The following DLGAP2 variants were observed in gnomAD, a reference collection of about 807,000 sequenced individuals.
DLGAP2 encodes the protein disks large-associated protein 2.
DLGAP2 carries 26 observed loss-of-function variants against 100.3 expected under a neutral mutation model. That is an observed-to-expected ratio of 0.26 (90% CI 0.19 to 0.36). DLGAP2 has a LOEUF of 0.36. DLGAP2 is among the 10% of genes least tolerant of loss of function. The probability of loss-of-function intolerance (pLI) is 1.00; values close to 1 mark genes in which losing one functional copy is unlikely to be tolerated. For synonymous variants in DLGAP2, 886 were observed against 630.1 expected (o/e 1.41, Z -6.08); for missense variants, 1,858 against 1,453.2 (o/e 1.28, Z -4.53).
intron 3 of DLGAP2, among the ~76,000 whole-genome samples, chr8:1,265,938 G>A (rs1021912655): frequency 4.6e-5 from 7 of 152,298 alleles, no homozygotes; most frequent in Admixed American, 3.3e-4. Context: ...TAAAATCATT[G>A]TTTAATGATA....
At chr8:808,901 C>T (rs1397608032) in intron 1 of DLGAP2, among the ~76,000 whole-genome samples, 1 of 136,538 alleles carries the variant, frequency 7.3e-6, no homozygotes, top group Non-Finnish European at 1.5e-5. Flanking sequence ...ATTGCTGTTG[C>T]TGCCTTTTTT....
At chr8:890,544 A>G (rs1798014095) in intron 1 of DLGAP2, among the ~76,000 whole-genome samples, 2 of 150,188 alleles carry the variant, frequency 1.3e-5, no homozygotes, top group Admixed American at 6.6e-5. Flanking sequence ...CTGGGTCTCG[A>G]TGGCGCCTCC....
chr8:1,365,183 G>A (rs1802081232), intron 3 of DLGAP2, among the ~76,000 whole-genome samples: 1 of 152,188 alleles, frequency 6.6e-6, no homozygotes, highest in Non-Finnish European at 1.5e-5. Context: ...GGTGTGTTAG[G>A]ACCTGGGTGG....
intron 2 of DLGAP2, chr8:1,003,116 C>T (rs1801008814): frequency 6.6e-6 from 1 of 152,302 alleles, no homozygotes; most frequent in Non-Finnish European, 1.5e-5. Context: ...CCCCTGAGCA[C>T]TCATGTGGAC....
rs192994793 is a variant in DLGAP2, at chr8:1,187,605, G to A, written c.74-71246G>A. ...GGGACCTCCGTGACGTTTCCCTCAC[G>A]GAATCTCACACACCCAGGACCTCCG... is the stretch of plus-strand genomic sequence containing the variant. On this transcript the variant is annotated intron_variant, in intron 2 of 14. Coordinates refer to ENST00000637795, the MANE Select transcript of DLGAP2 (RefSeq NM_001346810.2). 8.5e-3 allele frequency among the ~76,000 whole-genome samples: 1,143 copies of A among 134,696 alleles called. 6 individuals carry two copies. Among genetic ancestry groups the A allele is most frequent in the Non-Finnish European group, 0.012 (758 of 64,562 alleles). The allele number at this position is 134,696 out of a possible 152,430, so 88.4% of individuals were successfully genotyped here.
At position 746,535 on chromosome 8, in the gene DLGAP2, G is replaced by C. The variant is rs372624740; in HGVS notation, c.18+8710G>C. The stretch of plus-strand genomic sequence containing the variant: ...TGGGAGAGAAGATCTGTGGGATAGA[G>C]GGCCGTCCACTGTGGTCATGGCAGT... On this transcript the variant is annotated intron_variant, in intron 1 of 14. Transcript: ENST00000637795. 4.9e-4 allele frequency among the ~76,000 whole-genome samples: 74 copies of C among 152,382 alleles called. 1 individual carries two copies. In the South Asian group the frequency reaches 9.1e-3, roughly 19 times the overall value.
At chr8:806,525 A>G (rs1036729474) in intron 1 of DLGAP2, among the ~76,000 whole-genome samples, 5 of 152,176 alleles carry the variant, frequency 3.3e-5, no homozygotes, top group Admixed American at 3.3e-4. Flanking sequence ...GTAGCACAAG[A>G]GGGACAGGTG....
At chr8:755,135 G>A (rs1820889743) in intron 1 of DLGAP2, among the ~76,000 whole-genome samples, 3 of 152,124 alleles carry the variant, frequency 2.0e-5, no homozygotes. Context: ...GTGTGCTTTT[G>A]TAAATACAGA....
At chr8:1,315,413 C>T (rs1478836641) in intron 3 of DLGAP2, among the ~76,000 whole-genome samples, 3 of 141,512 alleles carry the variant, frequency 2.1e-5, no homozygotes, top group South Asian at 4.7e-4. Context: ...AACTCGGCAG[C>T]TTTTAAAAAT....
At chr8:1,141,243 G>T (rs1796517177) in intron 2 of DLGAP2, among the ~76,000 whole-genome samples, 1 of 152,078 alleles carries the variant, frequency 6.6e-6, no homozygotes, top group Non-Finnish European at 1.5e-5. Flanking sequence ...ATTAGAGAAA[G>T]GTGTTCGTTT....
At chr8:1,250,963 A>G (rs1300417188) in intron 2 of DLGAP2, among the ~76,000 whole-genome samples, 1 of 152,220 alleles carries the variant, frequency 6.6e-6, no homozygotes, top group African/African-American at 2.4e-5. Flanking sequence ...TGACCTCGGT[A>G]CGTGGCACAG....
At chr8:819,954 A>C (rs571041827) in intron 1 of DLGAP2, among the ~76,000 whole-genome samples, 1 of 152,318 alleles carries the variant, frequency 6.6e-6, no homozygotes, top group South Asian at 2.1e-4. Context: ...AATGAAGTTA[A>C]CCTATAAGAA....
At chr8:1,074,126 G>T (rs1295219738) in intron 2 of DLGAP2, among the ~76,000 whole-genome samples, 1 of 139,470 alleles carries the variant, frequency 7.2e-6, no homozygotes, top group African/African-American at 3.1e-5. Context: ...TCACAGAAGG[G>T]TTTGCAGCAG....
chr8:1,352,716 T>A (rs1801763771), intron 3 of DLGAP2, among the ~76,000 whole-genome samples: 3 of 152,088 alleles, frequency 2.0e-5, no homozygotes, highest in Admixed American at 1.3e-4. Context: ...CTGCCCTGAG[T>A]TTTACAGCTC....
chr8:767,637 G>A (rs1444597911), intron 1 of DLGAP2, among the ~76,000 whole-genome samples: 1 of 152,138 alleles, frequency 6.6e-6, no homozygotes, highest in Non-Finnish European at 1.5e-5. Flanking sequence ...TTACAGGTAC[G>A]AGCCACCACG....
intron 2 of DLGAP2, among the ~76,000 whole-genome samples, chr8:1,043,631 A>AG (rs759107425): frequency 6.6e-6 from 1 of 152,008 alleles, no homozygotes; most frequent in South Asian, 2.1e-4. Flanking sequence ...AGGGGGATGA[A>AG]GGGGGAACAT....
chr8:1,328,866 G>A (rs1801083747), intron 3 of DLGAP2, among the ~76,000 whole-genome samples: 1 of 152,228 alleles, frequency 6.6e-6, no homozygotes, highest in African/African-American at 2.4e-5. Context: ...ACACACTTCG[G>A]TGGTTTGCTG....
intron 4 of DLGAP2, among the ~76,000 whole-genome samples, chr8:1,505,170 T>C (rs1473784823): frequency 2.6e-5 from 4 of 152,210 alleles, no homozygotes; most frequent in Non-Finnish European, 4.4e-5. Flanking sequence ...TAAATGATGA[T>C]TTTTAAGGGA....
intron 3 of DLGAP2, among the ~76,000 whole-genome samples, chr8:1,472,132 C>A: frequency 6.6e-6 from 1 of 152,314 alleles, no homozygotes; most frequent in Non-Finnish European, 1.5e-5. Flanking sequence ...ACAGTGAGAA[C>A]GCAGAGCAGG....
Sources: allele counts gnomAD v4.1 joint callset (sites outside exome capture counted in the v4.1 genomes callset), GRCh38; gene constraint gnomAD v4.1.1; transcripts MANE v1.5; gene names NCBI Gene and HGNC (gene_info 2026-07-23, HGNC 2026-07-21).